The following QTMAN variants were observed in gnomAD, a reference collection of about 807,000 sequenced individuals.
QTMAN encodes the protein tRNA-queuosine alpha-mannosyltransferase.
At chr2:143,964,393 C>T in the QTMAN span, among the ~76,000 whole-genome samples, 1 of 152,124 alleles carries the variant, frequency 6.6e-6, no homozygotes, top group Non-Finnish European at 1.5e-5. Context: ...AACTTCATCT[C>T]AATGTATTTA....
chr2:144,133,419 AAT>A, the QTMAN span, among the ~76,000 whole-genome samples: 2,185 of 60,280 alleles, frequency 0.036, 61 homozygotes, highest in East Asian at 0.092. Context: ...TATTATATAT[AAT>A]ATATATAATA....
chr2:144,221,818 T>C, the QTMAN span, among the ~76,000 whole-genome samples: 5 of 152,224 alleles, frequency 3.3e-5, no homozygotes, highest in Admixed American at 1.3e-4. Context: ...AATAGTGCTA[T>C]AGCGATTCAA....
chr2:143,941,338 C>G, the QTMAN span: 5 of 152,144 alleles, frequency 3.3e-5, no homozygotes, highest in Non-Finnish European at 5.9e-5. Flanking sequence ...TCACTGAATG[C>G]CTCCCTAAAG....
chr2:144,109,108 C>T, the QTMAN span, among the ~76,000 whole-genome samples: 1 of 152,102 alleles, frequency 6.6e-6, no homozygotes, highest in South Asian at 2.1e-4. Context: ...GCCAAAAGAA[C>T]AAATCTGGAG....
At chr2:144,014,345 T>C in the QTMAN span, among the ~76,000 whole-genome samples, 1 of 152,174 alleles carries the variant, frequency 6.6e-6, no homozygotes, top group African/African-American at 2.4e-5. Flanking sequence ...TGTGAGGCTA[T>C]GTTGTTAAGT....
At chr2:144,260,865 T>C in the QTMAN span, among the ~76,000 whole-genome samples, 1 of 151,866 alleles carries the variant, frequency 6.6e-6, no homozygotes, top group African/African-American at 2.4e-5. Context: ...TTTTTTGTAA[T>C]ACAGTAGATA....
At chr2:144,284,811 C>T in the QTMAN span, among the ~76,000 whole-genome samples, 1 of 152,072 alleles carries the variant, frequency 6.6e-6, no homozygotes, top group African/African-American at 2.4e-5. Flanking sequence ...GGAGTGAGGA[C>T]TGCTTGAGCC....
the QTMAN span, chr2:143,943,676 C>T: frequency 6.6e-6 from 1 of 152,174 alleles, no homozygotes; most frequent in East Asian, 1.9e-4. Flanking sequence ...TTAATCTCTG[C>T]AGCCCTCTAT....
the QTMAN span, chr2:143,970,543 A>C: frequency 9.8e-6 from 7 of 714,946 alleles, no homozygotes; most frequent in African/African-American, 1.8e-5. Context: ...CTTTTGGTTA[A>C]CAGTGCTCAT....
At chr2:144,228,912 C>T in the QTMAN span, among the ~76,000 whole-genome samples, 8 of 151,866 alleles carry the variant, frequency 5.3e-5, no homozygotes, top group Non-Finnish European at 7.4e-5. Context: ...GAGCCAAGAT[C>T]GCGCCACTGC....
At chr2:144,269,113 T>C in the QTMAN span, among the ~76,000 whole-genome samples, 1 of 152,220 alleles carries the variant, frequency 6.6e-6, no homozygotes, top group Non-Finnish European at 1.5e-5. Context: ...TCTTAAAGCC[T>C]ATATAAATCT....
chr2:144,182,842 A>AGG, the QTMAN span, among the ~76,000 whole-genome samples: 1 of 62,022 alleles, frequency 1.6e-5, no homozygotes, highest in East Asian at 4.4e-4. Context: ...TATATATATT[A>AGG]TATATATATT....
the QTMAN span, among the ~76,000 whole-genome samples, chr2:144,095,389 A>C: frequency 2.0e-5 from 3 of 152,184 alleles, no homozygotes; most frequent in Admixed American, 6.5e-5. Context: ...TTGCACACCT[A>C]TATTCTCACA....
chr2:143,958,142 GAGTTCCT>G, the QTMAN span, among the ~76,000 whole-genome samples: 109 of 152,198 alleles, frequency 7.2e-4, no homozygotes, highest in African/African-American at 2.5e-3. Context: ...CTACTATTTA[GAGTTCCT>G]TTTGGGGGCT....
the QTMAN span, among the ~76,000 whole-genome samples, chr2:144,219,397 C>G: frequency 6.6e-6 from 1 of 152,052 alleles, no homozygotes; most frequent in Admixed American, 6.5e-5. Context: ...TCCCAAAGTG[C>G]TGGGATTACA....
the QTMAN span, among the ~76,000 whole-genome samples, chr2:144,012,973 G>C: frequency 1.3e-5 from 2 of 152,012 alleles, no homozygotes; most frequent in African/African-American, 4.8e-5. Flanking sequence ...CTCGGGTTTG[G>C]GGGAGGGAGG....
chr2:144,089,130 T>C, the QTMAN span, among the ~76,000 whole-genome samples: 3 of 151,602 alleles, frequency 2.0e-5, no homozygotes, highest in Non-Finnish European at 4.4e-5. Flanking sequence ...AAAGTAATAA[T>C]CCTATTAAAA....
the QTMAN span, among the ~76,000 whole-genome samples, chr2:144,030,192 T>C: frequency 6.6e-6 from 1 of 152,190 alleles, no homozygotes; most frequent in Non-Finnish European, 1.5e-5. Context: ...ACCTTACTAA[T>C]TACTCTTCTC....
At chr2:144,325,960 G>A in the QTMAN span, among the ~76,000 whole-genome samples, 3 of 152,220 alleles carry the variant, frequency 2.0e-5, no homozygotes, top group Admixed American at 1.3e-4. Context: ...CTACTAAAGA[G>A]TTTGATGACT....
Sources: allele counts gnomAD v4.1 joint callset (sites outside exome capture counted in the v4.1 genomes callset), GRCh38; gene constraint gnomAD v4.1.1; transcripts MANE v1.5; gene names NCBI Gene and HGNC (gene_info 2026-07-23, HGNC 2026-07-21).